VPS13D: variants seen among roughly 807,000 people sequenced by gnomAD.
VPS13D encodes intermembrane lipid transfer protein VPS13D.
A neutral mutation model predicts 461.9 loss-of-function variants in VPS13D; 187 were observed. The ratio of observed to expected loss-of-function variants is 0.40; its 90% confidence interval spans 0.36 to 0.46. The LOEUF is 0.46. Among genes scored for constraint, VPS13D ranks in the 20% least tolerant of loss-of-function variants. The pLI is 0.60. For synonymous variants in VPS13D, 1,951 were observed against 1,986.3 expected (o/e 0.98, Z 0.47); for missense variants, 4,711 against 5,364.9 (o/e 0.88, Z 3.81).
intron 63 of VPS13D, among the ~76,000 whole-genome samples, chr1:12,411,840 A>G (rs2100213901): frequency 6.6e-6 from 1 of 152,282 alleles, no homozygotes; most frequent in Admixed American, 6.5e-5. Flanking sequence ...CCCTTTCCAC[A>G]TGGTCTCCCA....
intron 65 of VPS13D, among the ~76,000 whole-genome samples, chr1:12,424,461 G>A (rs766085995): frequency 1.3e-5 from 2 of 152,172 alleles, no homozygotes; most frequent in East Asian, 1.9e-4. Context: ...TAATAAAAGT[G>A]TATTTGTGGG....
rs1468184200 is a variant in VPS13D, at chr1:12,460,344, G to A, written c.12610G>A (p.Ala4204Thr). 1 of 1,612,790 alleles carries A rather than the reference G, an allele frequency of 6.2e-7. No homozygotes were observed. Among genetic ancestry groups the A allele is most frequent in the Non-Finnish European group, 8.5e-7 (1 of 1,179,378 alleles). ...TKPVAGALDF[A>T]SETAQAVRDT... ...GCCAGTGGCAGGCGCCCTGGATTTT[G>A]CATCAGAAACAGCCCAGGCGGTGAG... The change falls in exon 67 of 70, where the codon GCA becomes ACA. Residue 4204 changes from alanine to threonine, a missense_variant. This residue lies in a region of VPS13D where 106 missense variants were observed against 206.2 expected (regional missense o/e 0.51). Coordinates refer to ENST00000620676, the MANE Select transcript of VPS13D (RefSeq NM_015378.4).
At chr1:12,464,820 T>G (rs1645460730) in intron 67 of VPS13D, 1 of 152,212 alleles carries the variant, frequency 6.6e-6, no homozygotes, top group South Asian at 2.1e-4. Flanking sequence ...TATGTGTGGT[T>G]TGGAACTGAA....
chr1:12,311,284 C>T (rs1642741249), intron 27 of VPS13D, among the ~76,000 whole-genome samples, 170 bp from the exon 28 acceptor site: 1 of 152,054 alleles, frequency 6.6e-6, no homozygotes. Context: ...GCATGACAGT[C>T]ATATTAACTT....
intron 20 of VPS13D, among the ~76,000 whole-genome samples, chr1:12,280,809 G>T (rs1483772793): frequency 6.6e-6 from 1 of 151,774 alleles, no homozygotes; most frequent in Non-Finnish European, 1.5e-5. Context: ...TATTTTTATG[G>T]TTACCATTGA....
At chr1:12,332,323 GATAA>G (rs1383777629) in intron 37 of VPS13D, among the ~76,000 whole-genome samples, 2 of 152,178 alleles carry the variant, frequency 1.3e-5, no homozygotes, top group African/African-American at 2.4e-5. Context: ...AAGTAGAATG[GATAA>G]ATAAATTGTA....
chr1:12,509,016 G>A lies in VPS13D; in HGVS notation c.13159G>A (p.Asp4387Asn). 1 of 1,614,092 alleles carries A rather than the reference G, an allele frequency of 6.2e-7. No homozygotes were observed. The highest frequency in any genetic ancestry group is 8.5e-7 in the Non-Finnish European group (1 of 1,179,992). ...LSENREQLEL[D>N]S is the part of the protein sequence containing the mutation. ...CGAAAACCGAGAGCAGCTGGAGCTG[G>A]ACTCCTGAAGCCCCGCTGCTGAGAT... is the stretch of plus-strand genomic sequence containing the variant. Residue 4387 changes from aspartate to asparagine, a missense_variant, in exon 70 of 70, where the codon GAC (aspartate) becomes AAC (asparagine). This residue lies in a region of VPS13D where 194 missense variants were observed against 220.9 expected (regional missense o/e 0.88). Transcript: ENST00000620676.
rs1411686580 is a variant in VPS13D at position 12,486,647 on chromosome 1, G to A, written c.12663-10853G>A. Among the ~76,000 whole-genome samples, 4 of 152,202 alleles carry A rather than the reference G, an allele frequency of 2.6e-5. 1 individual carries two copies. In the South Asian group the frequency reaches 6.2e-4, roughly 24 times the overall value. On this transcript the variant is annotated intron_variant, in intron 67 of 69. Coordinates refer to ENST00000620676, the MANE Select transcript of VPS13D (RefSeq NM_015378.4). ...GGTAACTTTCTAGTGTCCCCCCCAC[G>A]TTGGAATGATCAGCATTCCTGTACT...
Position 12,242,605 on chromosome 1 carries a change from AG to A in VPS13D, c.175+17del, listed in dbSNP as rs2101203638. The A allele has an allele frequency of 6.2e-7, 1 of 1,609,336 alleles. No individual in the cohort carries two copies. ...AGTCAAAGCTGGTATGTGGAACTAA[AG>A]GAGGGGGAAGAAATTTGAGTCTTAA... is the stretch of plus-strand genomic sequence containing the variant. On this transcript the variant is annotated intron_variant, in intron 3 of 69. Coordinates refer to ENST00000620676, the MANE Select transcript of VPS13D (RefSeq NM_015378.4).
At position 12,292,611 on chromosome 1, in the gene VPS13D, T is replaced by G. The variant is rs1031332774; in HGVS notation, c.5853-913T>G. Among the ~76,000 whole-genome samples, 8 of 152,036 alleles carry G rather than the reference T, an allele frequency of 5.3e-5. No individual in the cohort carries two copies. The South Asian group carries it at 1.7e-3, about 32-fold the overall frequency. On this transcript the variant is annotated intron_variant, in intron 23 of 69. Transcript: ENST00000620676. Reference sequence around the variant, plus strand: ...TGCACCATCACACCCGGCTAATTTTTTGTATTTTTGGGAGATAGGGTTTCA... The same window carrying G: ...TGCACCATCACACCCGGCTAATTTTGTGTATTTTTGGGAGATAGGGTTTCA...
At chr1:12,391,390 G>T (rs1644424755) in intron 60 of VPS13D, among the ~76,000 whole-genome samples, 1 of 152,198 alleles carries the variant, frequency 6.6e-6, no homozygotes. Context: ...GTGCAGGCTA[G>T]GGGAGAGAAG....
chr1:12,321,755 G>A (rs140396545), intron 32 of VPS13D, 54 bp from the exon 33 acceptor site: 2 of 1,550,944 alleles, frequency 1.3e-6, no homozygotes, highest in African/African-American at 1.4e-5. Context: ...GCTGGTAGTT[G>A]GACCCTTCCT....
At chr1:12,356,822 C>G (rs1235230385) in intron 49 of VPS13D, among the ~76,000 whole-genome samples, 3 of 152,248 alleles carry the variant, frequency 2.0e-5, no homozygotes, top group Non-Finnish European at 4.4e-5. Context: ...TTCTCCTTCT[C>G]TGCTCTGCAG....
chr1:12,445,336 C>T (rs1645179238), intron 65 of VPS13D, among the ~76,000 whole-genome samples: 1 of 152,214 alleles, frequency 6.6e-6, no homozygotes, highest in Non-Finnish European at 1.5e-5. Flanking sequence ...TTAAAATCAA[C>T]AAAAGGCATC....
Position 12,350,754 on chromosome 1 carries a change from A to G in VPS13D, c.9431+1380A>G, listed in dbSNP as rs982134138. Among the ~76,000 whole-genome samples, 17 of 152,316 alleles carry G rather than the reference A, an allele frequency of 1.1e-4. 1 individual carries two copies. Among genetic ancestry groups the G allele is most frequent in the African/African-American group, 3.1e-4 (13 of 41,574 alleles). ...AAATCAGTGAACTAGAAAATAGAAA[A>G]TCAACAATGTCAAAATTGACATAAA... On this transcript the variant is annotated intron_variant, in intron 46 of 69. Coordinates refer to ENST00000620676, the MANE Select transcript of VPS13D (RefSeq NM_015378.4).
chr1:12,250,875 G>A lies in VPS13D; in HGVS notation c.564+1536G>A, dbSNP rs1475190249. On this transcript the variant is annotated intron_variant, in intron 6 of 69. Transcript: ENST00000620676. ...AGCCATGCTCATTAGTGTTGTCCAC[G>A]GTGGAGTAGTGTAGTTGCAGCAGAG... 4.6e-5 allele frequency among the ~76,000 whole-genome samples: 7 copies of A among 152,160 alleles called. No homozygotes were observed. The East Asian group carries it at 1.3e-3, about 29-fold the overall frequency.
intron 66 of VPS13D, among the ~76,000 whole-genome samples, chr1:12,458,730 C>T (rs1462126828): frequency 6.6e-6 from 1 of 152,154 alleles, no homozygotes; most frequent in Non-Finnish European, 1.5e-5. Flanking sequence ...CCTCACACCC[C>T]ACTGTCAGAG....
chr1:12,413,083 C>G lies in VPS13D; in HGVS notation c.12031-2004C>G, dbSNP rs78863933. ...ACTTCTCAACTGAAAAGAGACTACG[C>G]TGAGGTACCATTACACACCCATCAG... On this transcript the variant is annotated intron_variant, in intron 63 of 69. Transcript: ENST00000620676. Among the ~76,000 whole-genome samples the G allele has an allele frequency of 5.5e-3, 839 of 152,234 alleles. 7 individuals are homozygous for G. Among genetic ancestry groups the G allele is most frequent in the African/African-American group, 0.018 (763 of 41,542 alleles).
At chr1:12,305,345 G>C (rs1447912312) in intron 26 of VPS13D, among the ~76,000 whole-genome samples, 2 of 152,010 alleles carry the variant, frequency 1.3e-5, no homozygotes, top group Admixed American at 1.3e-4. Flanking sequence ...TGTGATGATG[G>C]CTTACTGCAG....
Sources: allele counts gnomAD v4.1 joint callset (sites outside exome capture counted in the v4.1 genomes callset), GRCh38; gene constraint gnomAD v4.1.1; regional missense constraint gnomAD v4.1.1; transcripts MANE v1.5; gene names NCBI Gene and HGNC (gene_info 2026-07-23, HGNC 2026-07-21).